Variants in APOA4 observed in about 807,000 individuals in gnomAD.
APOA4 encodes apolipoprotein A-IV.
A neutral mutation model predicts 33.6 loss-of-function variants in APOA4; 25 were observed. That is an observed-to-expected ratio of 0.74 (90% CI 0.54 to 1.04). APOA4 has a LOEUF of 1.04. APOA4 is among the 50% of genes least tolerant of loss of function. APOA4 has a pLI of 0.00. For missense variants in APOA4, 549 were observed against 510.4 expected, an observed-to-expected ratio of 1.08 and a Z score of -0.73; for synonymous variants, 228 against 224.0, an observed-to-expected ratio of 1.02 and a Z score of -0.16.
rs1457695983 is a variant in APOA4 at position 116,821,425 on chromosome 11, C to T, written c.633G>A (p.Lys211=). Residue 211 remains lysine, a synonymous_variant, in exon 3 of 3, where the codon AAG becomes AAA. Transcript: ENST00000357780. ...GCAGCTCCTCCACGGTCTGGTCAAT[C>T]TTGACTTTGAATTCGTCAGCGTAGG... is the stretch of plus-strand genomic sequence containing the variant. The part of the protein sequence containing the change: ...LTPYADEFKV[K]IDQTVEELRR... 6.2e-7 allele frequency: 1 copy of T among 1,614,216 alleles called. No individual in the cohort carries two copies. Among genetic ancestry groups the T allele is most frequent in the Non-Finnish European group, 8.5e-7 (1 of 1,180,020 alleles).
At position 116,821,234 on chromosome 11, in the gene APOA4, C is replaced by T. The variant is rs201507984; in HGVS notation, c.824G>A (p.Arg275His). Residue 275 changes from arginine (R) to histidine (H), a missense_variant, in exon 3 of 3, where the codon CGT becomes CAT. Physicochemically the swap from Arg to His is conservative, Grantham distance 29. Transcript: ENST00000357780. ...CTCGGTGTTGCCCCTCAGGTTGCCA[C>T]GCACGTCCTCGGCCAAGGGCGCCAG... ...QRLAPLAEDVRGNLRGNTEGL... is the reference protein window; with the variant it reads ...QRLAPLAEDVHGNLRGNTEGL... 1.7e-5 allele frequency: 28 copies of T among 1,613,062 alleles called. No individual in the cohort carries two copies. The highest frequency in any genetic ancestry group is 5.0e-5 in the Admixed American group (3 of 60,032).
intron 2 of APOA4, among the ~76,000 whole-genome samples, chr11:116,822,175 A>T (rs535051417): frequency 3.7e-4 from 56 of 152,200 alleles, no homozygotes; most frequent in Non-Finnish European, 6.5e-4. Context: ...TGGGACTTTG[A>T]GGTCCTTCCC....
In APOA4 at chr11:116,823,065, T is replaced by C; in HGVS notation, c.49+78A>G. 4 of 1,572,882 alleles carry C rather than the reference T, an allele frequency of 2.5e-6. No homozygotes were observed. In the South Asian group the frequency reaches 3.3e-5, roughly 13 times the overall value. ...CTGATGGGCACTCAGAAGTGTCCTT[T>C]TGCTTTGGCTCAGCCTCCATCCTGC... On this transcript the variant is annotated intron_variant, in intron 1 of 2. Transcript: ENST00000357780.
chr11:116,822,451 C>G (rs13306179), intron 2 of APOA4, among the ~76,000 whole-genome samples: 1 of 152,274 alleles, frequency 6.6e-6, no homozygotes, highest in East Asian at 1.9e-4. Flanking sequence ...AACTCTAGAA[C>G]GTCAAAGCAA....
intron 1 of APOA4, among the ~76,000 whole-genome samples, 175 bp from the exon 2 acceptor site, chr11:116,822,960 C>T (rs1252443061): frequency 6.6e-6 from 1 of 152,226 alleles, no homozygotes; most frequent in Non-Finnish European, 1.5e-5. Flanking sequence ...GCACCAATGC[C>T]AATGGGCCCA....
chr11:116,822,577 G>T, intron 2 of APOA4, 82 bp downstream of exon 2: 1 of 1,604,986 alleles, frequency 6.2e-7, no homozygotes. Flanking sequence ...CAGGGCTCCT[G>T]TCTCTAAGCT....
intron 1 of APOA4, 31 bp from the exon 2 acceptor site, chr11:116,822,816 C>T (rs779714246): frequency 8.1e-6 from 13 of 1,613,396 alleles, no homozygotes; most frequent in South Asian, 2.2e-5. Flanking sequence ...ATTCATGAGG[C>T]CCCGTCTCCT....
chr11:116,821,620 G>T lies in APOA4; in HGVS notation c.438C>A (p.Val146=). 6.2e-7 allele frequency: 1 copy of T among 1,610,496 alleles called. No homozygotes were observed. The highest frequency in any genetic ancestry group is 8.5e-7 in the Non-Finnish European group (1 of 1,178,644). ...GCCGCAGCTGCTCGGCCTGCGTGCT[G>T]ACCTGGGTGCGCAGCTGGTCCGCGT... ...EPYADQLRTQ[V]STQAEQLRRQ... Residue 146 remains valine, a synonymous_variant, in exon 3 of 3, where the codon GTC becomes GTA. Coordinates refer to ENST00000357780, the MANE Select transcript of APOA4 (RefSeq NM_000482.4).
chr11:116,822,613 C>T (rs1254458719), intron 2 of APOA4, 46 bp downstream of exon 2: 1 of 1,613,946 alleles, frequency 6.2e-7, no homozygotes, highest in Admixed American at 1.7e-5. Context: ...CATTGCATGG[C>T]CTTTAAGAAT....
In APOA4 at chr11:116,820,796, G is replaced by C; in HGVS notation, c.*71C>G. Reference sequence around the variant, plus strand: ...CAAGTTCATACCAGAACTTCTTTGGGACAGACAGACAGACAGGTGGCAGGG... The same window carrying C: ...CAAGTTCATACCAGAACTTCTTTGGCACAGACAGACAGACAGGTGGCAGGG... On this transcript the variant is annotated 3_prime_UTR_variant, in exon 3 of 3. Transcript: ENST00000357780. 7.0e-6 allele frequency: 3 copies of C among 428,914 alleles called. No homozygotes were observed. The highest frequency in any genetic ancestry group is 5.0e-5 in the South Asian group (2 of 39,800). The allele number at this position is 428,914 out of a possible 1,614,324, so 26.6% of individuals were successfully genotyped here. A position where few individuals can be genotyped will look rare whatever the true frequency, so the allele number is the denominator to read the frequency against.
In APOA4 at chr11:116,821,591, TGGCG is replaced by T. The variant is rs1941324511; in HGVS notation, c.463_466del (p.Arg155SerfsTer2). On this transcript the variant is annotated frameshift_variant, in exon 3 of 3. Transcript: ENST00000357780. LOFTEE classifies it high-confidence loss of function. ...CATGCGCTGTGCGTAGGGGGTCAGC[TGGCG>T]CCGCAGCTGCTCGGCCTGCGTGCTG... 1 of 1,609,946 alleles carries T rather than the reference TGGCG, an allele frequency of 6.2e-7. No homozygotes were observed. The highest frequency in any genetic ancestry group is 1.1e-5 in the South Asian group (1 of 90,996).
Position 116,821,739 on chromosome 11 carries a change from C to G in APOA4, c.319G>C (p.Glu107Gln), listed in dbSNP as rs771829056. 6.5e-7 allele frequency: 1 copy of G among 1,547,196 alleles called. No homozygotes were observed. The highest frequency in any genetic ancestry group is 8.9e-7 in the Non-Finnish European group (1 of 1,119,830). The change falls in exon 3 of 3, where the codon GAG becomes CAG. Residue 107 changes from glutamate to glutamine, a missense_variant. By Grantham distance (29) the Glu-to-Gln change is conservative. Coordinates refer to ENST00000357780, the MANE Select transcript of APOA4 (RefSeq NM_000482.4). ...KLKEEIGKEL[E>Q]ELRARLLPHA... ...GGCAGCAGCCGGGCCCTCAGCTCCT[C>G]CAGCTCCTTCCCAATCTCCTCCTTC...
At position 116,821,415 on chromosome 11, in the gene APOA4, T is replaced by A; in HGVS notation, c.643A>T (p.Thr215Ser). The A allele has an allele frequency of 1.2e-6, 2 of 1,614,128 alleles. No homozygotes were observed. Among genetic ancestry groups the A allele is most frequent in the Non-Finnish European group, 1.7e-6 (2 of 1,180,010 alleles). Residue 215 changes from threonine (T) to serine (S), a missense_variant, in exon 3 of 3, where the codon ACC (threonine) becomes TCC (serine). Coordinates refer to ENST00000357780, the MANE Select transcript of APOA4 (RefSeq NM_000482.4). ...ADEFKVKIDQ[T>S]VEELRRSLAP... ...AGGCTGCGGCGCAGCTCCTCCACGG[T>A]CTGGTCAATCTTGACTTTGAATTCG...
chr11:116,822,873 G>C, intron 1 of APOA4, 88 bp from the exon 2 acceptor site: 1 of 1,595,550 alleles, frequency 6.3e-7, no homozygotes. Context: ...GGATGATGGT[G>C]GGGGTGCCTC....
At position 116,821,653 on chromosome 11, in the gene APOA4, C is replaced by T. The variant is rs769528558; in HGVS notation, c.405G>A (p.Leu135=). 13 of 1,610,172 alleles carry T rather than the reference C, an allele frequency of 8.1e-6. No homozygotes were observed. The highest frequency in any genetic ancestry group is 1.1e-5 in the Non-Finnish European group (13 of 1,177,512). Residue 135 remains leucine, a synonymous_variant, in exon 3 of 3, where the codon CTG becomes CTA. Transcript: ENST00000357780. ...GDNLRELQQR[L]EPYADQLRTQ... ...TGCGCAGCTGGTCCGCGTAGGGCTC[C>T]AGGCGCTGCTGAAGCTCTCGCAGGT...
intron 2 of APOA4, 120 bp from the exon 3 acceptor site, chr11:116,822,001 C>T: frequency 1.6e-6 from 2 of 1,254,622 alleles, no homozygotes; most frequent in Non-Finnish European, 1.2e-6. Context: ...CTCAGAGGTA[C>T]CGAGTTCACC....
intron 2 of APOA4, 82 bp from the exon 3 acceptor site, chr11:116,821,963 T>C (rs1442394215): frequency 4.4e-6 from 7 of 1,574,984 alleles, no homozygotes; most frequent in African/African-American, 4.0e-5. Context: ...CCACTCGCCT[T>C]ATGCACACGT....
chr11:116,822,760 G>A lies in APOA4; in HGVS notation c.75C>T (p.Asp25=). ...AGTCCCACATCACCGTGGCCACCTGGTCAGCACTGACCTCAGCCCTGGCTC... is the reference window on the plus strand; with the variant it reads ...AGTCCCACATCACCGTGGCCACCTGATCAGCACTGACCTCAGCCCTGGCTC... The part of the protein sequence containing the change: ...VAGARAEVSA[D]QVATVMWDYF... The change falls in exon 2 of 3, where the codon GAC becomes GAT. Residue 25 remains aspartate (D), a synonymous_variant. Coordinates refer to ENST00000357780, the MANE Select transcript of APOA4 (RefSeq NM_000482.4). 6.2e-7 allele frequency: 1 copy of A among 1,614,192 alleles called. No individual in the cohort carries two copies. Among genetic ancestry groups the A allele is most frequent in the Non-Finnish European group, 8.5e-7 (1 of 1,180,024 alleles).
In APOA4 at chr11:116,821,595, G is replaced by A. The variant is rs558629714; in HGVS notation, c.463C>T (p.Arg155Cys). 7.5e-6 allele frequency: 12 copies of A among 1,609,828 alleles called. No individual in the cohort carries two copies. In the South Asian group the frequency reaches 7.7e-5, roughly 10 times the overall value. Reference sequence around the variant, plus strand: ...CGCTGTGCGTAGGGGGTCAGCTGGCGCCGCAGCTGCTCGGCCTGCGTGCTG... The same window carrying A: ...CGCTGTGCGTAGGGGGTCAGCTGGCACCGCAGCTGCTCGGCCTGCGTGCTG... ...QVSTQAEQLR[R>C]QLTPYAQRME... Residue 155 changes from arginine (R) to cysteine (C), a missense_variant, in exon 3 of 3, where the codon CGC becomes TGC. Physicochemically the swap from Arg to Cys is radical, Grantham distance 180 (BLOSUM62 -3). Coordinates refer to ENST00000357780, the MANE Select transcript of APOA4 (RefSeq NM_000482.4).
Sources: gnomAD v4.1 joint callset for allele counts (sites outside exome capture counted in the v4.1 genomes callset) on GRCh38, gnomAD v4.1.1 for gene constraint, MANE v1.5 for transcripts, NCBI Gene and HGNC (gene_info 2026-07-23, HGNC 2026-07-21) for gene names.